CDH7: variants seen among roughly 807,000 people sequenced by gnomAD.
CDH7 encodes cadherin 7.
A neutral mutation model predicts 71.8 loss-of-function variants in CDH7; 25 were observed. The ratio of observed to expected loss-of-function variants is 0.35; its 90% CI spans 0.25 to 0.49. CDH7 has a LOEUF of 0.49. CDH7 is among the 20% of genes least tolerant of loss of function. The pLI, the probability that CDH7 is intolerant of heterozygous loss-of-function variation, is 0.99. For synonymous variants in CDH7, 381 were observed against 363.8 expected (o/e 1.05, Z -0.54); for missense variants, 862 against 974.6 (o/e 0.88, Z 1.54).
intron 6 of CDH7, among the ~76,000 whole-genome samples, chr18:65,825,608 C>A (rs1286363828): frequency 6.6e-6 from 1 of 151,766 alleles, no homozygotes; most frequent in Non-Finnish European, 1.5e-5. Flanking sequence ...ATATCAATAT[C>A]TTGACCCCTA....
chr18:65,818,964 C>A (rs193178588), intron 4 of CDH7, among the ~76,000 whole-genome samples: 1 of 152,148 alleles, frequency 6.6e-6, no homozygotes, highest in African/African-American at 2.4e-5. Flanking sequence ...GTAGGAGAGA[C>A]CAGCAGGACT....
rs1030509821 is a variant in CDH7 at position 65,860,439 on chromosome 18, A to G, written c.1612+614A>G. Reference sequence around the variant, plus strand: ...TTCCTAAATATCATTATAGTAAAAAAAACTTACAAATACCTACAAGTAGAT... The same window carrying G: ...TTCCTAAATATCATTATAGTAAAAAGAACTTACAAATACCTACAAGTAGAT... On this transcript the variant is annotated intron_variant, in intron 10 of 11. Transcript: ENST00000397968. 3.9e-5 allele frequency among the ~76,000 whole-genome samples: 6 copies of G among 152,150 alleles called. No individual in the cohort carries two copies. The South Asian group carries it at 1.0e-3, about 26-fold the overall frequency.
chr18:65,843,730 T>G (rs1291764605), intron 6 of CDH7, 82 bp from the exon 7 acceptor site: 1 of 1,288,370 alleles, frequency 7.8e-7, no homozygotes, highest in Non-Finnish European at 1.0e-6. Flanking sequence ...TTCCTAAGCT[T>G]ATTGACATTC....
chr18:65,791,810 T>C (rs1261721239), intron 2 of CDH7, among the ~76,000 whole-genome samples: 2 of 152,208 alleles, frequency 1.3e-5, no homozygotes, highest in African/African-American at 2.4e-5. Context: ...ATAATTTCTT[T>C]AGAATATGGC....
At chr18:65,845,693 C>T (rs1912911477) in intron 7 of CDH7, among the ~76,000 whole-genome samples, 1 of 152,024 alleles carries the variant, frequency 6.6e-6, no homozygotes, top group Non-Finnish European at 1.5e-5. Context: ...GAAAGAGAGA[C>T]ATGCTTTCAT....
At chr18:65,776,512 G>A (rs1268391029) in intron 2 of CDH7, among the ~76,000 whole-genome samples, 1 of 151,998 alleles carries the variant, frequency 6.6e-6, no homozygotes, top group African/African-American at 2.4e-5. Flanking sequence ...TTTCCCAGGA[G>A]GCAAGAGATT....
chr18:65,854,721 A>T (rs1014451963), intron 7 of CDH7, among the ~76,000 whole-genome samples: 2 of 152,128 alleles, frequency 1.3e-5, no homozygotes, highest in Non-Finnish European at 2.9e-5. Flanking sequence ...TAGAGATTTG[A>T]CAAAGAGAGC....
chr18:65,881,071 A>G lies in CDH7; in HGVS notation c.*177A>G. The G allele has an allele frequency of 1.6e-6, 1 of 631,116 alleles. No homozygotes were observed. The highest frequency in any genetic ancestry group is 2.6e-6 in the Non-Finnish European group (1 of 385,622). The allele number at this position is 631,116 out of a possible 1,614,324, so 39.1% of individuals were successfully genotyped here. On this transcript the variant is annotated 3_prime_UTR_variant, in exon 12 of 12. Transcript: ENST00000397968. The stretch of plus-strand genomic sequence containing the variant: ...TTAGATTTCTGCCTTGGTGAGGCAT[A>G]TCTTCATTAGACTTATCTAAAGGAC...
chr18:65,768,692 C>T (rs553673793), intron 2 of CDH7, among the ~76,000 whole-genome samples: 7 of 152,016 alleles, frequency 4.6e-5, no homozygotes, highest in Non-Finnish European at 8.8e-5. Flanking sequence ...CCAGGATAAA[C>T]GACAGAATTA....
At chr18:65,751,961 A>C (rs956328848) in intron 1 of CDH7, among the ~76,000 whole-genome samples, 3 of 152,202 alleles carry the variant, frequency 2.0e-5, no homozygotes, top group Non-Finnish European at 4.4e-5. Flanking sequence ...AGGTGAGTAA[A>C]GATTGGCAAT....
At chr18:65,849,988 G>C (rs892846206) in intron 7 of CDH7, among the ~76,000 whole-genome samples, 2 of 151,088 alleles carry the variant, frequency 1.3e-5, no homozygotes, top group African/African-American at 4.9e-5. Context: ...ATGTGGTGAA[G>C]CCCTGTCTTT....
intron 11 of CDH7, among the ~76,000 whole-genome samples, chr18:65,868,112 C>A (rs1232272852): frequency 6.6e-6 from 1 of 152,130 alleles, no homozygotes; most frequent in Non-Finnish European, 1.5e-5. Context: ...CCATCATAAT[C>A]TATAATGATA....
At chr18:65,862,367 T>C (rs1263278233) in intron 10 of CDH7, among the ~76,000 whole-genome samples, 1 of 152,210 alleles carries the variant, frequency 6.6e-6, no homozygotes, top group South Asian at 2.1e-4. Context: ...GTAAAAGATG[T>C]AGTTTTTATA....
chr18:65,779,296 G>A (rs114139694), intron 2 of CDH7, among the ~76,000 whole-genome samples: 1,234 of 105,086 alleles, frequency 0.012, 22 homozygotes, highest in African/African-American at 0.054. Flanking sequence ...TTGTACAGCT[G>A]TGTGAATTTT....
chr18:65,887,817 T>G lies in CDH7; in HGVS notation c.*6923T>G, dbSNP rs1914410592. 6.6e-6 allele frequency: 1 copy of G among 152,170 alleles called. No homozygotes were observed. Among genetic ancestry groups the G allele is most frequent in the Non-Finnish European group, 1.5e-5 (1 of 68,032 alleles). 9.4% of individuals were successfully genotyped at this position (152,170 alleles called of 1,614,324 possible). On this transcript the variant is annotated 3_prime_UTR_variant, in exon 12 of 12. Transcript: ENST00000397968. ...CTCTTTAGTAGAGATTTCAGAATTT[T>G]TTTTCTCAAATTTAGAGGAACGAAC... is the stretch of plus-strand genomic sequence containing the variant.
At chr18:65,873,145 A>G (rs1913976231) in intron 11 of CDH7, among the ~76,000 whole-genome samples, 1 of 152,186 alleles carries the variant, frequency 6.6e-6, no homozygotes. Context: ...ATGATTGTTT[A>G]AAATAAATTA....
intron 11 of CDH7, among the ~76,000 whole-genome samples, chr18:65,873,408 T>C (rs1913983303): frequency 1.3e-5 from 2 of 152,206 alleles, no homozygotes; most frequent in African/African-American, 4.8e-5. Context: ...GCATATGTAA[T>C]TTGAAATTTT....
chr18:65,834,282 T>C (rs1278147554), intron 6 of CDH7, among the ~76,000 whole-genome samples: 1 of 152,202 alleles, frequency 6.6e-6, no homozygotes, highest in African/African-American at 2.4e-5. Flanking sequence ...TGGTGCACTG[T>C]AATAGCAAGG....
chr18:65,881,227 G>A lies in CDH7; in HGVS notation c.*333G>A, dbSNP rs1420970671. On this transcript the variant is annotated 3_prime_UTR_variant, in exon 12 of 12. Coordinates refer to ENST00000397968, the MANE Select transcript of CDH7 (RefSeq NM_004361.5). Reference sequence around the variant, plus strand: ...CCTCTATGAGAAAGTAGTGCCCTGTGTTGTCAGTGAGTCAAAGATGCCCTG... The same window carrying A: ...CCTCTATGAGAAAGTAGTGCCCTGTATTGTCAGTGAGTCAAAGATGCCCTG... 4 of 192,226 alleles carry A rather than the reference G, an allele frequency of 2.1e-5. No homozygotes were observed. The East Asian group carries it at 5.3e-4, about 25-fold the overall frequency. The allele number at this position is 192,226 out of a possible 1,614,324, so 11.9% of individuals were successfully genotyped here.
Sources: gnomAD v4.1 joint callset for allele counts (sites outside exome capture counted in the v4.1 genomes callset) on GRCh38, gnomAD v4.1.1 for gene constraint, MANE v1.5 for transcripts, NCBI Gene and HGNC (gene_info 2026-07-23, HGNC 2026-07-21) for gene names.